Variants in RASAL2 observed in about 807,000 individuals in gnomAD.
The protein encoded by RASAL2 is RAS protein activator like 2, also known as ras GTPase-activating protein nGAP.
In RASAL2, 58 loss-of-function variants were observed where a neutral mutation model predicts 128.9. That is an observed-to-expected ratio of 0.45 (90% confidence interval 0.36 to 0.56). RASAL2 has a LOEUF of 0.56. RASAL2 is among the 20% of genes least tolerant of loss of function. RASAL2 has a pLI of 0.00. For missense variants in RASAL2, 1,360 were observed against 1,601.6 expected, an observed-to-expected ratio of 0.85 and a Z score of 2.57; for synonymous variants, 561 against 580.8, an observed-to-expected ratio of 0.97 and a Z score of 0.49.
chr1:178,094,688 G>C lies in RASAL2; in HGVS notation c.196G>C (p.Val66Leu). 6.2e-7 allele frequency: 1 copy of C among 1,614,100 alleles called. No homozygotes were observed. The highest frequency in any genetic ancestry group is 1.3e-5 in the African/African-American group (1 of 75,080). The change falls in exon 1 of 18, where the codon GTG becomes CTG. Residue 66 changes from valine (V) to leucine (L), a missense_variant. Transcript: ENST00000367649. ...GTGCCAGCAACAGAGCTGGGTCCGG[G>C]TGTACGGTAAGGACCACAGGCCGTC... ...SVCQQQSWVR[V>L]YDVKGPPTHR...
At chr1:178,452,228 A>C (rs966636057) in intron 10 of RASAL2, among the ~76,000 whole-genome samples, 188 bp from the exon 11 acceptor site, 19 of 152,152 alleles carry the variant, frequency 1.2e-4, no homozygotes, top group African/African-American at 4.6e-4. Flanking sequence ...TCCAGTCTCC[A>C]TCTGGCCTCT....
rs912252727 is a variant in RASAL2 at position 178,161,992 on chromosome 1, G to A, written c.202+67298G>A. 8.7e-5 allele frequency among the ~76,000 whole-genome samples: 13 copies of A among 148,582 alleles called. 1 individual carries two copies. Among genetic ancestry groups the A allele is most frequent in the East Asian group, 5.8e-4 (3 of 5,132 alleles). ...TTTATTTATTTATTTATTTTGAGACGGAGTCTTTGTCTGCCAGGCTGGAGT... is the reference window on the plus strand; with the variant it reads ...TTTATTTATTTATTTATTTTGAGACAGAGTCTTTGTCTGCCAGGCTGGAGT... On this transcript the variant is annotated intron_variant, in intron 1 of 17. Transcript: ENST00000367649.
intron 1 of RASAL2, among the ~76,000 whole-genome samples, chr1:178,171,650 T>C (rs899879785): frequency 6.6e-6 from 1 of 151,984 alleles, no homozygotes; most frequent in African/African-American, 2.4e-5. Flanking sequence ...TAATATAAGC[T>C]ATTTTAATGA....
chr1:178,098,742 A>C (rs1362899800), intron 1 of RASAL2, among the ~76,000 whole-genome samples: 2 of 152,200 alleles, frequency 1.3e-5, no homozygotes, highest in African/African-American at 4.8e-5. Flanking sequence ...AATTAGGTAA[A>C]ATATTCTGTT....
rs1187550322 is a variant in RASAL2, at chr1:178,478,630, T to A, written c.*5391T>A. The A allele has an allele frequency of 6.6e-6, 1 of 152,240 alleles. No individual in the cohort carries two copies. Among genetic ancestry groups the A allele is most frequent in the Admixed American group, 6.5e-5 (1 of 15,288 alleles). 9.4% of individuals were successfully genotyped at this position (152,240 alleles called of 1,614,324 possible). On this transcript the variant is annotated 3_prime_UTR_variant, in exon 18 of 18. Transcript: ENST00000367649. Reference sequence around the variant, plus strand: ...CTTAGAAAAACAAAACCCAAGATTTTATTTTATTTTTAAAGCCATATTTTT... The same window carrying A: ...CTTAGAAAAACAAAACCCAAGATTTAATTTTATTTTTAAAGCCATATTTTT...
Position 178,381,084 on chromosome 1 carries a change from G to A in RASAL2, c.458-9016G>A, listed in dbSNP as rs901308930. Among the ~76,000 whole-genome samples the A allele has an allele frequency of 5.9e-5, 9 of 152,282 alleles. No individual in the cohort carries two copies. The South Asian group carries it at 1.9e-3, about 32-fold the overall frequency. On this transcript the variant is annotated intron_variant, in intron 3 of 17. Transcript: ENST00000367649. The stretch of plus-strand genomic sequence containing the variant: ...TGAATGTGGCCAGTTTGAGATTAGA[G>A]ATCATCTGACTGAGGCAAATTGTAG...
chr1:178,174,108 A>G (rs2101916250), intron 1 of RASAL2, among the ~76,000 whole-genome samples: 1 of 152,136 alleles, frequency 6.6e-6, no homozygotes, highest in Non-Finnish European at 1.5e-5. Flanking sequence ...AAAGTTTTCA[A>G]GAAGAAATTT....
intron 4 of RASAL2, among the ~76,000 whole-genome samples, chr1:178,393,568 G>A (rs1468513719): frequency 6.6e-6 from 1 of 152,206 alleles, no homozygotes; most frequent in African/African-American, 2.4e-5. Flanking sequence ...ACCTCCTGCT[G>A]TGCCGCCCAG....
At chr1:178,280,662 G>A (rs1227658876) in intron 1 of RASAL2, among the ~76,000 whole-genome samples, 1 of 152,008 alleles carries the variant, frequency 6.6e-6, no homozygotes, top group African/African-American at 2.4e-5. Flanking sequence ...TCTTTTTAAT[G>A]TTTCTAAAAT....
intron 1 of RASAL2, among the ~76,000 whole-genome samples, chr1:178,161,956 A>T (rs556684035): frequency 3.4e-3 from 505 of 147,448 alleles, no homozygotes; most frequent in Non-Finnish European, 5.5e-3. Context: ...TTATTTATTT[A>T]TTTTTATTTA....
intron 1 of RASAL2, among the ~76,000 whole-genome samples, chr1:178,155,713 T>C (rs1661063686): frequency 6.6e-6 from 1 of 151,974 alleles, no homozygotes; most frequent in African/African-American, 2.4e-5. Context: ...TCCGTTCTGC[T>C]GAAAGCCCCC....
chr1:178,294,393 G>A (rs776435126), intron 2 of RASAL2, among the ~76,000 whole-genome samples: 2 of 152,098 alleles, frequency 1.3e-5, no homozygotes, highest in Non-Finnish European at 1.5e-5. Flanking sequence ...TGACATGATC[G>A]TATTTGCATT....
rs766584516 is a variant in RASAL2, at chr1:178,371,355, T to TACACACACACACAC, written c.458-18736_458-18723dup. 8.8e-3 allele frequency among the ~76,000 whole-genome samples: 1,127 copies of TACACACACACACAC among 127,738 alleles called. 8 individuals carry two copies. Among genetic ancestry groups the TACACACACACACAC allele is most frequent in the African/African-American group, 0.023 (759 of 32,858 alleles). The allele number at this position is 127,738 out of a possible 152,430, so 83.8% of individuals were successfully genotyped here. ...ACACACACACACACACACACACAAA[T>TACACACACACACAC]ACACACACACACACACACACACTTC... On this transcript the variant is annotated intron_variant, in intron 3 of 17. Coordinates refer to ENST00000367649, the MANE Select transcript of RASAL2 (RefSeq NM_170692.4).
intron 1 of RASAL2, among the ~76,000 whole-genome samples, chr1:178,192,768 A>T (rs150907829): frequency 1.1e-4 from 16 of 152,302 alleles, no homozygotes; most frequent in African/African-American, 3.4e-4. Context: ...TTCTTTCAGT[A>T]CTTCCTCCTC....
intron 1 of RASAL2, among the ~76,000 whole-genome samples, chr1:178,162,470 A>G (rs1197843419): frequency 8.1e-6 from 1 of 123,408 alleles, no homozygotes; most frequent in Non-Finnish European, 1.6e-5. Context: ...TATATTTTAT[A>G]TATTTATATT....
At chr1:178,419,477 G>T (rs1342676967) in intron 4 of RASAL2, among the ~76,000 whole-genome samples, 2 of 151,730 alleles carry the variant, frequency 1.3e-5, no homozygotes, top group Non-Finnish European at 2.9e-5. Context: ...TTGTAGAGAT[G>T]GGGTCTCGCC....
chr1:178,371,254 C>T (rs368284271), intron 3 of RASAL2, among the ~76,000 whole-genome samples: 2 of 151,532 alleles, frequency 1.3e-5, no homozygotes, highest in African/African-American at 4.9e-5. Context: ...CAGTCATTCT[C>T]TATGTTGATC....
chr1:178,397,670 C>T (rs1323992240), intron 4 of RASAL2, among the ~76,000 whole-genome samples: 1 of 151,616 alleles, frequency 6.6e-6, no homozygotes, highest in African/African-American at 2.4e-5. Flanking sequence ...ACTGCAATGG[C>T]ACAATCTTGG....
chr1:178,350,345 C>T (rs1051235457), intron 3 of RASAL2, among the ~76,000 whole-genome samples: 8 of 152,166 alleles, frequency 5.3e-5, no homozygotes, highest in Admixed American at 1.3e-4. Flanking sequence ...CTCAGCCCCC[C>T]GAGTAGCTGG....
Sources: gnomAD v4.1 joint callset for allele counts (sites outside exome capture counted in the v4.1 genomes callset) on GRCh38, gnomAD v4.1.1 for gene constraint, MANE v1.5 for transcripts, NCBI Gene and HGNC (gene_info 2026-07-23, HGNC 2026-07-21) for gene names.